ABHD2: variants seen among roughly 807,000 people sequenced by gnomAD.
The protein encoded by ABHD2 is abhydrolase domain containing 2, acylglycerol lipase, also known as monoacylglycerol lipase ABHD2.
ABHD2 carries 20 observed loss-of-function variants against 48.1 expected under a neutral mutation model. The observed-to-expected ratio is 0.42, with a 90% confidence interval of 0.29 to 0.60. ABHD2 has a LOEUF of 0.60. Among genes scored for constraint, ABHD2 ranks in the 20% least tolerant of loss-of-function variants. ABHD2 has a pLI of 0.24. For missense variants in ABHD2, 405 were observed against 550.9 expected, an observed-to-expected ratio of 0.74 and a Z score of 2.65; for synonymous variants, 209 against 214.2, an observed-to-expected ratio of 0.98 and a Z score of 0.21.
chr15:89,051,727 A>G, the ABHD2 span, among the ~76,000 whole-genome samples: 1 of 152,206 alleles, frequency 6.6e-6, no homozygotes, highest in South Asian at 2.1e-4. Flanking sequence ...GCCTGCTGCC[A>G]TGTAAGACAT....
chr15:89,073,762 C>T, the ABHD2 span, among the ~76,000 whole-genome samples: 4 of 152,004 alleles, frequency 2.6e-5, 1 homozygote, highest in Admixed American at 2.0e-4. Flanking sequence ...ATCATGATAT[C>T]GATCCTACAC....
At chr15:89,083,147 G>A (rs554736731), upstream of ABHD2, among the ~76,000 whole-genome samples, 45 of 152,290 alleles carry the variant, frequency 3.0e-4, no homozygotes, top group African/African-American at 1.0e-3. This position sits in a 1 kb window ranked among gnomAD's most constrained non-coding sequence, Gnocchi z 5.1. Flanking sequence ...GAGCCACTGT[G>A]CCCGGCCTGT....
At chr15:89,142,370 A>G (rs1350485066) in intron 3 of ABHD2, among the ~76,000 whole-genome samples, 1 of 152,218 alleles carries the variant, frequency 6.6e-6, no homozygotes, top group Non-Finnish European at 1.5e-5. Flanking sequence ...AACCACTGAG[A>G]TTAGTACCTC....
chr15:89,162,310 A>T (rs563610758), intron 5 of ABHD2, among the ~76,000 whole-genome samples: 2 of 152,282 alleles, frequency 1.3e-5, no homozygotes, highest in South Asian at 4.1e-4. Flanking sequence ...TCTTTTGTTC[A>T]ATTTAAGATC....
intron 9 of ABHD2, among the ~76,000 whole-genome samples, chr15:89,192,520 T>C (rs2051324467): frequency 1.3e-5 from 2 of 151,980 alleles, no homozygotes; most frequent in South Asian, 2.1e-4. Flanking sequence ...TTTTTTTTTT[T>C]TTTTAAAGAG....
rs2051457601 is a variant in ABHD2, at chr15:89,200,702, G to C, written c.*5279G>C. 2 of 228,286 alleles carry C rather than the reference G, an allele frequency of 8.8e-6. No individual in the cohort carries two copies. Among genetic ancestry groups the C allele is most frequent in the Admixed American group, 4.1e-5 (1 of 24,498 alleles). 14.1% of individuals were successfully genotyped at this position (228,286 alleles called of 1,614,324 possible). ...CGCAGGCCATACTACCAATGAAATG[G>C]TAGGTAAACAAATCTTCTGGTCAAG... On this transcript the variant is annotated 3_prime_UTR_variant, in exon 11 of 11. Transcript: ENST00000352732.
rs1238201377 is a variant in ABHD2 at position 89,186,600 on chromosome 15, T to C, written c.815+1084T>C. ...TGCTTCTGTGAAGCCAACTCATCCA[T>C]GCCCAAGTTGCTTTTCTTTTGCTTC... On this transcript the variant is annotated intron_variant, in intron 7 of 10. Coordinates refer to ENST00000352732, the MANE Select transcript of ABHD2 (RefSeq NM_152924.5). This position sits in a 1 kb window ranked among gnomAD's most constrained non-coding sequence, Gnocchi z 4.3. 6.6e-6 allele frequency among the ~76,000 whole-genome samples: 1 copy of C among 152,178 alleles called. No homozygotes were observed. Among genetic ancestry groups the C allele is most frequent in the Non-Finnish European group, 1.5e-5 (1 of 68,028 alleles).
At chr15:89,128,605 G>T (rs1303632594) in intron 3 of ABHD2, among the ~76,000 whole-genome samples, 1 of 152,144 alleles carries the variant, frequency 6.6e-6, no homozygotes, top group Non-Finnish European at 1.5e-5. Context: ...CATCATGTTT[G>T]GCCCTGCTAC....
rs145038394 is a variant in ABHD2 at position 89,112,778 on chromosome 15, A to G, written c.-106-947A>G. 4.9e-3 allele frequency among the ~76,000 whole-genome samples: 740 copies of G among 152,264 alleles called. 13 individuals carry two copies. The highest frequency in any genetic ancestry group is 5.6e-3 in the South Asian group (27 of 4,820). ...CTTTCTTTCTCACTTACCTGCCTTC[A>G]AGTAGCACAGCATGGTGATTAAGAG... On this transcript the variant is annotated intron_variant, in intron 1 of 10. Coordinates refer to ENST00000352732, the MANE Select transcript of ABHD2 (RefSeq NM_152924.5).
intron 1 of ABHD2, among the ~76,000 whole-genome samples, chr15:89,101,842 G>A (rs1392762924): frequency 1.3e-5 from 2 of 152,168 alleles, no homozygotes; most frequent in Admixed American, 1.3e-4. Context: ...GGCTTGCAGT[G>A]GGGCTCAAAT....
At chr15:89,153,327 C>T (rs1240688041) in intron 4 of ABHD2, among the ~76,000 whole-genome samples, 3 of 152,194 alleles carry the variant, frequency 2.0e-5, no homozygotes, top group African/African-American at 7.2e-5. Context: ...TAATAAACAG[C>T]CATGGAAGAG....
chr15:89,160,852 A>G (rs1180344388), intron 5 of ABHD2, among the ~76,000 whole-genome samples: 1 of 152,218 alleles, frequency 6.6e-6, no homozygotes, highest in Non-Finnish European at 1.5e-5. Flanking sequence ...GCCTAACTTC[A>G]GTGGGGTGGG....
At chr15:89,126,088 A>T (rs904124725) in intron 3 of ABHD2, among the ~76,000 whole-genome samples, 31 of 152,194 alleles carry the variant, frequency 2.0e-4, no homozygotes, top group African/African-American at 7.5e-4. Context: ...CCTATTCATC[A>T]TACCTGAGTT....
Position 89,146,423 on chromosome 15 carries a change from G to T in ABHD2, c.195-5254G>T, listed in dbSNP as rs1312139366. Among the ~76,000 whole-genome samples, 4 of 150,710 alleles carry T rather than the reference G, an allele frequency of 2.7e-5. No homozygotes were observed. Among genetic ancestry groups the T allele is most frequent in the Non-Finnish European group, 5.9e-5 (4 of 67,776 alleles). The stretch of plus-strand genomic sequence containing the variant: ...GTACGTATGTATATGGGGGGTGGGA[G>T]GGAGATCCAGACCCTTGTGGTCTTT... On this transcript the variant is annotated intron_variant, in intron 3 of 10. Coordinates refer to ENST00000352732, the MANE Select transcript of ABHD2 (RefSeq NM_152924.5). This position sits in a 1 kb window ranked among gnomAD's most constrained non-coding sequence, Gnocchi z 4.2.
rs887472067 is a variant in ABHD2 at position 89,168,340 on chromosome 15, A to G, written c.539-7472A>G. 3.9e-5 allele frequency among the ~76,000 whole-genome samples: 6 copies of G among 152,216 alleles called. No individual in the cohort carries two copies. The highest frequency in any genetic ancestry group is 7.3e-5 in the Non-Finnish European group (5 of 68,032). ...AAGATTATATAGTTACCTAGTGCTA[A>G]TCCCATAAGAATTAAATACATAGAG... is the stretch of plus-strand genomic sequence containing the variant. On this transcript the variant is annotated intron_variant, in intron 5 of 10. Coordinates refer to ENST00000352732, the MANE Select transcript of ABHD2 (RefSeq NM_152924.5). The surrounding 1 kb of genome is among the most constrained non-coding windows in gnomAD (Gnocchi z 4.8).
rs746178966 is a variant in ABHD2 at position 89,186,342 on chromosome 15, T to C, written c.815+826T>C. ...TCAAGTGCTTAGAGCAGTGCTGTTA[T>C]GCATAGCACCAGATAAATATTAGCA... On this transcript the variant is annotated intron_variant, in intron 7 of 10. Transcript: ENST00000352732. This position sits in a 1 kb window ranked among gnomAD's most constrained non-coding sequence, Gnocchi z 4.3. 6.6e-6 allele frequency among the ~76,000 whole-genome samples: 1 copy of C among 152,238 alleles called. No homozygotes were observed. The highest frequency in any genetic ancestry group is 1.5e-5 in the Non-Finnish European group (1 of 68,042).
chr15:89,132,273 C>T (rs1426298127), intron 3 of ABHD2, among the ~76,000 whole-genome samples: 2 of 152,060 alleles, frequency 1.3e-5, no homozygotes, highest in East Asian at 1.9e-4. Flanking sequence ...AAAGGGGGTC[C>T]TAATAATAAG....
At position 89,185,626 on chromosome 15, in the gene ABHD2, A is replaced by T. The variant is rs1428181086; in HGVS notation, c.815+110A>T. 2.1e-6 allele frequency: 2 copies of T among 970,850 alleles called. No individual in the cohort carries two copies. The highest frequency in any genetic ancestry group is 5.2e-5 in the East Asian group (2 of 38,754). 60.1% of individuals were successfully genotyped at this position (970,850 alleles called of 1,614,324 possible). A position where few individuals can be genotyped will look rare whatever the true frequency, so the allele number is the denominator to read the frequency against. On this transcript the variant is annotated intron_variant, in intron 7 of 10. Transcript: ENST00000352732. This position sits in a 1 kb window ranked among gnomAD's most constrained non-coding sequence, Gnocchi z 5.9. ...TCCTTCAGGGGAAAAAAAAAAATGC[A>T]GGTGTGGTACAGACTCTCTGCTGCC...
At chr15:89,051,722 C>T in the ABHD2 span, among the ~76,000 whole-genome samples, 1 of 152,208 alleles carries the variant, frequency 6.6e-6, no homozygotes, top group Non-Finnish European at 1.5e-5. Context: ...CTCTTGCCTG[C>T]TGCCATGTAA....
Sources: allele counts gnomAD v4.1 joint callset (sites outside exome capture counted in the v4.1 genomes callset), GRCh38; gene constraint gnomAD v4.1.1; non-coding constraint Gnocchi (gnomAD v3.1); transcripts MANE v1.5; gene names NCBI Gene and HGNC (gene_info 2026-07-23, HGNC 2026-07-21).